Variants in ARL13B observed in about 807,000 individuals in gnomAD.
ARL13B encodes ADP-ribosylation factor-like protein 13B.
In ARL13B, 36 loss-of-function variants were observed where a neutral mutation model predicts 56.1. That is an observed-to-expected ratio of 0.64 (90% CI 0.49 to 0.85). The LOEUF (loss-of-function observed/expected upper bound fraction) is 0.85. ARL13B is among the 40% of genes least tolerant of loss of function. The pLI is 0.00. For synonymous variants in ARL13B, 178 were observed against 171.1 expected (o/e 1.04, Z -0.32); for missense variants, 519 against 507.1 (o/e 1.02, Z -0.23).
intron 3 of ARL13B, among the ~76,000 whole-genome samples, chr3:94,005,014 T>C (rs2076110583): frequency 6.6e-6 from 1 of 152,144 alleles, no homozygotes; most frequent in Non-Finnish European, 1.5e-5. Flanking sequence ...AAAACAATAT[T>C]ATGTGCTTTT....
At chr3:94,044,606 G>GCC (rs2076945898) in intron 7 of ARL13B, among the ~76,000 whole-genome samples, 1 of 132,872 alleles carries the variant, frequency 7.5e-6, no homozygotes. Flanking sequence ...GTCTCTGCCC[G>GCC]GCCGCCACCC....
At chr3:94,014,167 G>A (rs184404339) in intron 3 of ARL13B, among the ~76,000 whole-genome samples, 2 of 152,258 alleles carry the variant, frequency 1.3e-5, no homozygotes, top group African/African-American at 4.8e-5. Context: ...GATGGTAACT[G>A]TATTTTTTTG....
intron 3 of ARL13B, among the ~76,000 whole-genome samples, chr3:94,033,294 A>G (rs981130479): frequency 6.6e-6 from 1 of 152,220 alleles, no homozygotes; most frequent in Non-Finnish European, 1.5e-5. Flanking sequence ...TTACACTGAA[A>G]GCCCAGACCT....
At chr3:94,013,732 G>T (rs571693244) in intron 3 of ARL13B, among the ~76,000 whole-genome samples, 1 of 152,294 alleles carries the variant, frequency 6.6e-6, no homozygotes, top group South Asian at 2.1e-4. Context: ...GATCACTGGA[G>T]GTCAGGAATT....
chr3:94,044,120 G>A (rs572264428), intron 7 of ARL13B, among the ~76,000 whole-genome samples: 157 of 147,864 alleles, frequency 1.1e-3, no homozygotes, highest in African/African-American at 3.6e-3. Context: ...GCCGCCCATC[G>A]TCTGGGATGT....
intron 1 of ARL13B, among the ~76,000 whole-genome samples, chr3:93,981,856 AC>A (rs1231551909): frequency 8.5e-6 from 1 of 118,110 alleles, no homozygotes; most frequent in Non-Finnish European, 1.7e-5. Context: ...ACACAGTGCA[AC>A]CCTGTCTCAA....
In ARL13B at chr3:94,043,867, G is replaced by A. The variant is rs187516853; in HGVS notation, c.1024+627G>A. On this transcript the variant is annotated intron_variant, in intron 7 of 9. Transcript: ENST00000394222. Reference sequence around the variant, plus strand: ...GAGATGGGGTTTCGCCATGTTGACCGATCTGGTCTCCAGCTCCTGGCCTTG... The same window carrying A: ...GAGATGGGGTTTCGCCATGTTGACCAATCTGGTCTCCAGCTCCTGGCCTTG... Among the ~76,000 whole-genome samples the A allele has an allele frequency of 9.3e-5, 14 of 149,926 alleles. No homozygotes were observed. The East Asian group carries it at 1.9e-3, about 20-fold the overall frequency.
chr3:94,049,546 G>A, intron 8 of ARL13B, 24 bp downstream of exon 8: 7 of 1,296,398 alleles, frequency 5.4e-6, no homozygotes, highest in Admixed American at 2.1e-5. Context: ...TACTGATACT[G>A]AATTTAGAAA....
chr3:93,991,623 A>G (rs1390864142), intron 1 of ARL13B, among the ~76,000 whole-genome samples: 1 of 152,230 alleles, frequency 6.6e-6, no homozygotes, highest in Non-Finnish European at 1.5e-5. Flanking sequence ...CTCCTGCTTC[A>G]GCCCCGCAGA....
chr3:93,996,023 C>A, intron 2 of ARL13B, 79 bp downstream of exon 2: 1 of 1,418,474 alleles, frequency 7.0e-7, no homozygotes, highest in Admixed American at 1.8e-5. Flanking sequence ...TTGCTTTATT[C>A]CTTATTAATT....
At chr3:94,027,055 A>G (rs774506426) in intron 3 of ARL13B, among the ~76,000 whole-genome samples, 1 of 152,078 alleles carries the variant, frequency 6.6e-6, no homozygotes, top group African/African-American at 2.4e-5. Flanking sequence ...ATAGATACTT[A>G]GTGTATTTAT....
At chr3:94,050,438 G>T (rs2077050252) in intron 8 of ARL13B, among the ~76,000 whole-genome samples, 1 of 152,036 alleles carries the variant, frequency 6.6e-6, no homozygotes, top group South Asian at 2.1e-4. Flanking sequence ...TGCCCTTATA[G>T]CCCTGCTACA....
Position 93,980,213 on chromosome 3 carries a change from G to T in ARL13B, c.-211G>T. 1 of 710,244 alleles carries T rather than the reference G, an allele frequency of 1.4e-6. No individual in the cohort carries two copies. 44.0% of individuals were successfully genotyped at this position (710,244 alleles called of 1,614,324 possible). On this transcript the variant is annotated 5_prime_UTR_variant, in exon 1 of 10. Transcript: ENST00000394222. ...ACGGTGTATCTGCGTCTTTGGTCAG[G>T]TTGTTCCTTGGCTAAGAGGGCAGTC...
intron 3 of ARL13B, among the ~76,000 whole-genome samples, chr3:94,017,464 G>A (rs1262516845): frequency 6.6e-6 from 1 of 152,188 alleles, no homozygotes; most frequent in Non-Finnish European, 1.5e-5. Flanking sequence ...AGGCAGGCAT[G>A]TTACAGAAAT....
rs2076751183 is a variant in ARL13B at position 94,035,451 on chromosome 3, T to A, written c.486+15T>A. On this transcript the variant is annotated intron_variant, in intron 4 of 9. Transcript: ENST00000394222. ...TGTGTCAGATAGTAAGGTTTTTTTT[T>A]TTTTTTTAATTTTAATTTTTTGTCC... is the stretch of plus-strand genomic sequence containing the variant. The A allele has an allele frequency of 2.0e-6, 3 of 1,523,962 alleles. No individual in the cohort carries two copies. The highest frequency in any genetic ancestry group is 2.7e-6 in the Non-Finnish European group (3 of 1,119,568). 94.4% of individuals were successfully genotyped at this position (1,523,962 alleles called of 1,614,324 possible).
At chr3:94,005,137 T>C (rs1278633389) in intron 3 of ARL13B, among the ~76,000 whole-genome samples, 2 of 152,240 alleles carry the variant, frequency 1.3e-5, no homozygotes, top group Non-Finnish European at 2.9e-5. Flanking sequence ...AAGCATAGAA[T>C]CTTTTCTATA....
intron 3 of ARL13B, among the ~76,000 whole-genome samples, chr3:94,010,728 C>G (rs2076210006): frequency 6.6e-6 from 1 of 151,886 alleles, no homozygotes; most frequent in Non-Finnish European, 1.5e-5. Context: ...TGATACATTG[C>G]TTTGTGATGA....
At chr3:93,981,244 T>C (rs1710200308) in intron 1 of ARL13B, among the ~76,000 whole-genome samples, 2 of 152,208 alleles carry the variant, frequency 1.3e-5, no homozygotes, top group African/African-American at 4.8e-5. Flanking sequence ...AAATAATCAG[T>C]GAAATTGATG....
intron 3 of ARL13B, among the ~76,000 whole-genome samples, chr3:94,024,149 A>C (rs1228069351): frequency 1.3e-5 from 2 of 152,208 alleles, no homozygotes; most frequent in East Asian, 3.9e-4. Flanking sequence ...TTAATCAATT[A>C]ATAGAGAAAG....
Sources: allele counts gnomAD v4.1 joint callset (sites outside exome capture counted in the v4.1 genomes callset), GRCh38; gene constraint gnomAD v4.1.1; transcripts MANE v1.5; gene names NCBI Gene and HGNC (gene_info 2026-07-23, HGNC 2026-07-21).